ANK3: variants seen among roughly 807,000 people sequenced by gnomAD.
The protein encoded by ANK3 is ankyrin-3.
Under a neutral mutation model 370.9 loss-of-function variants are expected in ANK3, and 57 were observed. The observed-to-expected ratio is 0.15, with a 90% CI of 0.12 to 0.19. ANK3 has a LOEUF of 0.19. Among genes scored for constraint, ANK3 ranks in the 10% least tolerant of loss-of-function variants. The probability of loss-of-function intolerance (pLI) is 1.00; values close to 1 mark genes in which losing one functional copy is unlikely to be tolerated. For synonymous variants in ANK3, 1,929 were observed against 1,946.3 expected (o/e 0.99, Z 0.23); for missense variants, 4,439 against 5,302.1 (o/e 0.84, Z 5.06).
intron 2 of ANK3, among the ~76,000 whole-genome samples, chr10:60,555,734 C>T (rs1365823713): frequency 6.6e-6 from 1 of 152,064 alleles, no homozygotes; most frequent in Non-Finnish European, 1.5e-5. Context: ...GCACTAACTG[C>T]ATATTTTTAT....
intron 2 of ANK3, among the ~76,000 whole-genome samples, chr10:60,443,963 C>A (rs975573284): frequency 6.6e-6 from 1 of 152,082 alleles, no homozygotes; most frequent in Non-Finnish European, 1.5e-5. Context: ...ACCAAGGTAC[C>A]TTGGGCTCTT....
At chr10:60,034,081 GT>G (rs56758673) in intron 43 of ANK3, among the ~76,000 whole-genome samples, 21 of 105,360 alleles carry the variant, frequency 2.0e-4, no homozygotes, top group Admixed American at 3.6e-4. Context: ...TTCTGTTTTT[GT>G]TTTTTTTTTT....
chr10:60,474,039 G>A (rs1595103808), intron 2 of ANK3, among the ~76,000 whole-genome samples: 4 of 151,572 alleles, frequency 2.6e-5, no homozygotes, highest in South Asian at 2.1e-4. Context: ...AGGCTGAGGC[G>A]GGAGGATTGC....
At chr10:60,345,427 T>G (rs1165146907) in intron 1 of ANK3, among the ~76,000 whole-genome samples, 8 of 152,162 alleles carry the variant, frequency 5.3e-5, no homozygotes, top group Non-Finnish European at 5.9e-5. Context: ...TTTGCAAATA[T>G]AAAGAGTACT....
chr10:60,125,434 T>G (rs1485674952), intron 25 of ANK3, among the ~76,000 whole-genome samples: 1 of 152,310 alleles, frequency 6.6e-6, no homozygotes, highest in East Asian at 1.9e-4. Flanking sequence ...TCTGTAATCT[T>G]GCTGACCAAT....
chr10:60,623,067 G>A (rs1161525952), intron 1 of ANK3, among the ~76,000 whole-genome samples: 1 of 152,190 alleles, frequency 6.6e-6, no homozygotes, highest in Admixed American at 6.5e-5. Flanking sequence ...CCATTTTAAG[G>A]AGTCTGTACT....
chr10:60,221,486 T>G lies in ANK3; in HGVS notation c.898-7976A>C, dbSNP rs1212521004. On this transcript the variant is annotated intron_variant, in intron 8 of 43. Transcript: ENST00000280772. ...CGAACCTCTGGGTACCTAACTCAGC[T>G]TCCACAATTGTCACCCCATGGTCAG... 7.9e-5 allele frequency among the ~76,000 whole-genome samples: 12 copies of G among 152,174 alleles called. 1 individual carries two copies.
chr10:60,450,121 A>AC lies in ANK3; in HGVS notation c.96+165064dup, dbSNP rs1401989194. On this transcript the variant is annotated intron_variant, in intron 2 of 43. Transcript: ENST00000373827. ...AGACCAGCCTGGGGAACATAGTGAG[A>AC]CCCCATATCTACAAAAAATAAAAAA... Among the ~76,000 whole-genome samples, 3 of 152,212 alleles carry AC rather than the reference A, an allele frequency of 2.0e-5. No homozygotes were observed. In the East Asian group the frequency reaches 5.8e-4, roughly 30 times the overall value.
At chr10:60,450,999 C>G (rs1173356588) in intron 2 of ANK3, among the ~76,000 whole-genome samples, 1 of 152,100 alleles carries the variant, frequency 6.6e-6, no homozygotes, top group African/African-American at 2.4e-5. Context: ...AAGAGATTAT[C>G]CTGGATTAGG....
chr10:60,554,993 G>C (rs1382172831), intron 2 of ANK3, among the ~76,000 whole-genome samples: 1 of 151,886 alleles, frequency 6.6e-6, no homozygotes, highest in Non-Finnish European at 1.5e-5. Flanking sequence ...TTTCAGCTTT[G>C]TAATTCTTTT....
At chr10:60,144,107 A>C (rs2094697976) in intron 23 of ANK3, 1 of 341,480 alleles carries the variant, frequency 2.9e-6, no homozygotes, top group Admixed American at 4.3e-5. Flanking sequence ...TGCTGACTGC[A>C]ATCTCATAAA....
intron 2 of ANK3, among the ~76,000 whole-genome samples, chr10:60,526,322 TG>T (rs2076469886): frequency 6.6e-6 from 1 of 152,170 alleles, no homozygotes; most frequent in Non-Finnish European, 1.5e-5. Context: ...ATTTCATCAA[TG>T]TTATTGGAAC....
intron 2 of ANK3, among the ~76,000 whole-genome samples, chr10:60,590,058 T>C (rs1364586546): frequency 6.6e-6 from 1 of 152,212 alleles, no homozygotes; most frequent in African/African-American, 2.4e-5. Flanking sequence ...TTTAGACAAG[T>C]TTGATTTATT....
At chr10:60,572,498 T>A in intron 2 of ANK3, 1 of 1,536,032 alleles carries the variant, frequency 6.5e-7, no homozygotes, top group South Asian at 1.2e-5. Context: ...GAGCAGGTTT[T>A]GCATTTTTCT....
chr10:60,198,356 A>G lies in ANK3; in HGVS notation c.1673T>C (p.Leu558Ser). Residue 558 changes from leucine to serine, a missense_variant, in exon 14 of 44, where the codon TTA (leucine) becomes TCA (serine). Leu to Ser is a moderately radical substitution (Grantham distance 145). Transcript: ENST00000280772. Reference sequence around the variant, plus strand: ...CTTTCATACCTTTGTTGTTATAGATAAAGACGCTCCATGATCCAAAAGGAA... The same window carrying G: ...CTTTCATACCTTTGTTGTTATAGATGAAGACGCTCCATGATCCAAAAGGAA... ...AAFLLDHGAS[L>S]SITTKKGFTP... is the part of the protein sequence containing the mutation. The G allele has an allele frequency of 6.2e-7, 1 of 1,614,228 alleles. No individual in the cohort carries two copies. Among genetic ancestry groups the G allele is most frequent in the Non-Finnish European group, 8.5e-7 (1 of 1,180,040 alleles).
At chr10:60,176,883 C>G (rs1490816109) in intron 18 of ANK3, among the ~76,000 whole-genome samples, 4 of 152,146 alleles carry the variant, frequency 2.6e-5, no homozygotes, top group African/African-American at 9.7e-5. Flanking sequence ...TTTTATGTTT[C>G]CATCTTAGAA....
At chr10:60,499,467 G>A (rs1470193344) in intron 2 of ANK3, among the ~76,000 whole-genome samples, 1 of 152,022 alleles carries the variant, frequency 6.6e-6, no homozygotes, top group African/African-American at 2.4e-5. Context: ...TACACAATAG[G>A]TAAAACATTA....
intron 1 of ANK3, among the ~76,000 whole-genome samples, chr10:60,654,607 T>G (rs753985973): frequency 1.3e-5 from 2 of 152,218 alleles, no homozygotes; most frequent in African/African-American, 4.8e-5. Flanking sequence ...GATTTCTGAA[T>G]GTTAAACTTG....
intron 2 of ANK3, among the ~76,000 whole-genome samples, chr10:60,511,382 G>A (rs541098497): frequency 2.0e-5 from 3 of 152,174 alleles, no homozygotes; most frequent in Admixed American, 1.3e-4. Context: ...TGAAAAGGCA[G>A]CTCCAAATAA....
Sources: allele counts gnomAD v4.1 joint callset (sites outside exome capture counted in the v4.1 genomes callset), GRCh38; gene constraint gnomAD v4.1.1; transcripts MANE v1.5; gene names NCBI Gene and HGNC (gene_info 2026-07-23, HGNC 2026-07-21).